Variants in KLF15 observed in about 807,000 individuals in gnomAD.
The protein encoded by KLF15 is Krueppel-like factor 15.
In KLF15, 4 loss-of-function variants were observed where a neutral mutation model predicts 24.6. That is an observed-to-expected ratio of 0.16 (90% CI 0.08 to 0.37). KLF15 has a LOEUF of 0.37. KLF15 is among the 10% of genes least tolerant of loss of function. The probability of loss-of-function intolerance (pLI) is 1.00; values close to 1 mark genes in which losing one functional copy is unlikely to be tolerated. For synonymous variants in KLF15, 246 were observed against 236.3 expected (o/e 1.04, Z -0.37); for missense variants, 496 against 560.6 (o/e 0.88, Z 1.16).
chr3:126,323,491 T>TATATATATATATATATAAC, the KLF15 span, among the ~76,000 whole-genome samples: 1 of 23,238 alleles, frequency 4.3e-5, no homozygotes, highest in African/African-American at 2.0e-4. Context: ...ATATATAACA[T>TATATATATATATATATAAC]ATATATATAT....
At chr3:126,334,212 A>C in the KLF15 span, among the ~76,000 whole-genome samples, 2 of 152,118 alleles carry the variant, frequency 1.3e-5, no homozygotes, top group Non-Finnish European at 2.9e-5. Context: ...CAGAAATTAT[A>C]ACAAACTATC....
the KLF15 span, among the ~76,000 whole-genome samples, chr3:126,311,076 G>A: frequency 6.6e-6 from 1 of 152,082 alleles, no homozygotes; most frequent in Non-Finnish European, 1.5e-5. Flanking sequence ...GGGCTGGGGA[G>A]GGTCTTCCTG....
rs1244311738 is a variant in KLF15, at chr3:126,356,645, G to C, written c.-26+592C>G. 2.0e-5 allele frequency among the ~76,000 whole-genome samples: 3 copies of C among 152,136 alleles called. No individual in the cohort carries two copies. Among genetic ancestry groups the C allele is most frequent in the African/African-American group, 7.2e-5 (3 of 41,448 alleles). ...GTGGTGCGCGGCAGCCGCTGTGGCT[G>C]TGCGGGAGGCTGTCCGCGAAGGACT... On this transcript the variant is annotated intron_variant, in intron 1 of 2. Transcript: ENST00000296233. The surrounding 1 kb of genome is among the most constrained non-coding windows in gnomAD (Gnocchi z 4.4).
chr3:126,333,659 G>A, the KLF15 span, among the ~76,000 whole-genome samples: 1 of 149,546 alleles, frequency 6.7e-6, no homozygotes, highest in Admixed American at 6.7e-5. Flanking sequence ...CCATCAGTGT[G>A]CTGTATTAAG....
At chr3:126,297,772 G>A in the KLF15 span, among the ~76,000 whole-genome samples, 1 of 152,046 alleles carries the variant, frequency 6.6e-6, no homozygotes. Context: ...TTGCTGCAAA[G>A]GCCATTATTT....
the KLF15 span, among the ~76,000 whole-genome samples, chr3:126,290,494 T>A: frequency 2.1e-5 from 3 of 144,716 alleles, no homozygotes; most frequent in Non-Finnish European, 4.5e-5. Context: ...CTTCCTTCCT[T>A]TCTTCCTTCC....
the KLF15 span, among the ~76,000 whole-genome samples, chr3:126,320,115 G>T: frequency 2.6e-5 from 4 of 152,296 alleles, no homozygotes; most frequent in Non-Finnish European, 2.9e-5. Context: ...TAACATAAAT[G>T]GGTGAAGCAA....
At position 126,343,883 on chromosome 3, in the gene KLF15, A is replaced by G. The variant is rs2082506831; in HGVS notation, c.1095T>C (p.Ser365=). Residue 365 remains serine (S), a synonymous_variant, in exon 3 of 3, where the codon TCT becomes TCC. Coordinates refer to ENST00000296233, the MANE Select transcript of KLF15 (RefSeq NM_014079.4). ...WPGCGWRFSR[S]DELSRHRRSH... ...AGCGCCTGTGCCGCGACAGCTCGTCAGAGCGCGAGAACCTGCGGGACATGG... is the reference window on the plus strand; with the variant it reads ...AGCGCCTGTGCCGCGACAGCTCGTCGGAGCGCGAGAACCTGCGGGACATGG... 5 of 1,592,630 alleles carry G rather than the reference A, an allele frequency of 3.1e-6. No homozygotes were observed. In the Admixed American group the frequency reaches 5.3e-5, roughly 17 times the overall value.
At chr3:126,355,300 C>T (rs573688435) in intron 1 of KLF15, among the ~76,000 whole-genome samples, 2 of 152,384 alleles carry the variant, frequency 1.3e-5, no homozygotes, top group South Asian at 2.1e-4. Context: ...GAAGGAAACA[C>T]CCTCCAATGG....
chr3:126,310,838 C>A, the KLF15 span, among the ~76,000 whole-genome samples: 1 of 152,202 alleles, frequency 6.6e-6, no homozygotes, highest in Admixed American at 6.5e-5. Flanking sequence ...AGGACTTCAA[C>A]ACATGAATTT....
intron 1 of KLF15, chr3:126,354,316 G>C (rs1247953618): frequency 6.6e-6 from 1 of 152,240 alleles, no homozygotes; most frequent in Non-Finnish European, 1.5e-5. Context: ...ACCAAAGTCA[G>C]AGGTTCTCTG....
Position 126,356,639 on chromosome 3 carries a change from G to A in KLF15, c.-26+598C>T, listed in dbSNP as rs545513625. ...CGGGGCGTGGTGCGCGGCAGCCGCT[G>A]TGGCTGTGCGGGAGGCTGTCCGCGA... On this transcript the variant is annotated intron_variant, in intron 1 of 2. Transcript: ENST00000296233. The surrounding 1 kb of genome is among the most constrained non-coding windows in gnomAD (Gnocchi z 4.4). Among the ~76,000 whole-genome samples the A allele has an allele frequency of 6.6e-6, 1 of 152,256 alleles. No individual in the cohort carries two copies. Among genetic ancestry groups the A allele is most frequent in the Non-Finnish European group, 1.5e-5 (1 of 68,010 alleles).
chr3:126,321,104 C>T, the KLF15 span, among the ~76,000 whole-genome samples: 2 of 152,142 alleles, frequency 1.3e-5, no homozygotes, highest in African/African-American at 4.8e-5. Context: ...TGTCTCTGTC[C>T]TCACATCTGG....
At chr3:126,323,419 A>ATATATATATAACATATATATGT in the KLF15 span, among the ~76,000 whole-genome samples, 1 of 47,568 alleles carries the variant, frequency 2.1e-5, no homozygotes, top group African/African-American at 8.6e-5. Context: ...ATATATATAT[A>ATATATATATAACATATATATGT]TATATATATA....
At chr3:126,294,663 T>A in the KLF15 span, among the ~76,000 whole-genome samples, 1 of 152,116 alleles carries the variant, frequency 6.6e-6, no homozygotes. Context: ...CTCTCTAACT[T>A]TGCCCCATCT....
chr3:126,319,975 G>A, the KLF15 span, among the ~76,000 whole-genome samples: 2 of 152,186 alleles, frequency 1.3e-5, no homozygotes, highest in East Asian at 1.9e-4. Flanking sequence ...CAGGCAAAGT[G>A]GTTCAAGATG....
At chr3:126,303,689 G>A in the KLF15 span, among the ~76,000 whole-genome samples, 2 of 149,412 alleles carry the variant, frequency 1.3e-5, no homozygotes, top group African/African-American at 4.9e-5. Context: ...ATCATAGTTT[G>A]TCATTTTTTG....
the KLF15 span, among the ~76,000 whole-genome samples, chr3:126,318,028 T>C: frequency 6.6e-6 from 1 of 152,164 alleles, no homozygotes; most frequent in Non-Finnish European, 1.5e-5. Context: ...GCTGGCTCTC[T>C]GTGTTCTACA....
At chr3:126,348,869 G>A (rs148203036) in intron 2 of KLF15, among the ~76,000 whole-genome samples, 3 of 152,198 alleles carry the variant, frequency 2.0e-5, no homozygotes, top group Non-Finnish European at 4.4e-5. Context: ...AAAGGCCTCA[G>A]AAGGTAATGA....
Sources: allele counts gnomAD v4.1 joint callset (sites outside exome capture counted in the v4.1 genomes callset), GRCh38; gene constraint gnomAD v4.1.1; non-coding constraint Gnocchi (gnomAD v3.1); transcripts MANE v1.5; gene names NCBI Gene and HGNC (gene_info 2026-07-23, HGNC 2026-07-21).